The following COL12A1 variants were observed in gnomAD, a reference collection of about 807,000 sequenced individuals.
COL12A1 encodes the protein collagen alpha-1(XII) chain.
In COL12A1, 114 loss-of-function variants were observed where a neutral mutation model predicts 349.7. The observed-to-expected ratio is 0.33, with a 90% CI of 0.28 to 0.38. The LOEUF is 0.38. Ranked by LOEUF, COL12A1 falls within the 10% of genes least tolerant of loss-of-function variation. COL12A1 has a pLI of 1.00. For synonymous variants in COL12A1, 1,369 were observed against 1,329.0 expected (o/e 1.03, Z -0.66); for missense variants, 3,284 against 3,756.9 (o/e 0.87, Z 3.29).
At chr6:75,138,377 A>G (rs1766727806) in intron 29 of COL12A1, 37 bp from the exon 30 acceptor site, 1 of 1,610,750 alleles carries the variant, frequency 6.2e-7, no homozygotes, top group Non-Finnish European at 8.5e-7. Context: ...CATTACTAAT[A>G]TAGCTGTAGC....
intron 34 of COL12A1, 145 bp from the exon 35 acceptor site, chr6:75,132,227 T>C: frequency 9.1e-7 from 1 of 1,103,426 alleles, no homozygotes; most frequent in Non-Finnish European, 1.3e-6. Context: ...AAAGGCAGAT[T>C]AAAACTCTCC....
At chr6:75,102,424 A>G (rs1768346794) in intron 56 of COL12A1, among the ~76,000 whole-genome samples, 173 bp downstream of exon 56, 2 of 152,118 alleles carry the variant, frequency 1.3e-5, no homozygotes, top group Admixed American at 1.3e-4. Flanking sequence ...TTATATTATT[A>G]CATAGTCTAT....
At chr6:75,146,345 C>G in intron 23 of COL12A1, 101 bp from the exon 24 acceptor site, 2 of 1,233,492 alleles carry the variant, frequency 1.6e-6, no homozygotes, top group Non-Finnish European at 2.1e-6. Flanking sequence ...ATATACTAGA[C>G]AGTGGGTTAC....
At position 75,179,511 on chromosome 6, in the gene COL12A1, G is replaced by C. The variant is rs60256732; in HGVS notation, c.2164+1428C>G. 9.1e-3 allele frequency among the ~76,000 whole-genome samples: 1,368 copies of C among 150,784 alleles called. 20 individuals are homozygous for C. The highest frequency in any genetic ancestry group is 0.032 in the African/African-American group (1,313 of 40,768). On this transcript the variant is annotated intron_variant, in intron 11 of 65. Transcript: ENST00000322507. ...TCTTAGACCATTTAGTTTATGTGAT[G>C]GACTTCAGGAAGAAATATACCTAAA...
intron 24 of COL12A1, among the ~76,000 whole-genome samples, 156 bp from the exon 25 acceptor site, chr6:75,145,611 C>CTTTTTTTTTTTTTTTTTTTTTTTTT (rs56698330): frequency 8.3e-5 from 10 of 121,192 alleles, no homozygotes; most frequent in Middle Eastern, 4.3e-3. Context: ...CTGATGTTTT[C>CTTTTTTTTTTTTTTTTTTTTTTTTT]TTTTTTTTTT....
intron 21 of COL12A1, 144 bp from the exon 22 acceptor site, chr6:75,148,641 T>A: frequency 1.5e-6 from 1 of 686,006 alleles, no homozygotes; most frequent in Non-Finnish European, 2.4e-6. Context: ...ACAATAAATC[T>A]GTATTAGAGG....
intron 10 of COL12A1, among the ~76,000 whole-genome samples, chr6:75,181,821 G>A (rs1214280540): frequency 6.6e-6 from 1 of 151,990 alleles, no homozygotes. Context: ...AGGGTATGGG[G>A]GCTAACGCCT....
At chr6:75,138,612 C>G in intron 28 of COL12A1, 32 bp from the exon 29 acceptor site, 1 of 1,608,676 alleles carries the variant, frequency 6.2e-7, no homozygotes, top group Non-Finnish European at 8.5e-7. Flanking sequence ...CATACCCACG[C>G]AAAAGTAAGT....
intron 39 of COL12A1, among the ~76,000 whole-genome samples, chr6:75,125,972 G>T (rs956637005): frequency 6.6e-6 from 1 of 152,118 alleles, no homozygotes; most frequent in African/African-American, 2.4e-5. Context: ...TGAATAAGCT[G>T]CATGGAATCT....
chr6:75,194,822 A>G lies in COL12A1; in HGVS notation c.190+9T>C. 1 of 1,579,090 alleles carries G rather than the reference A, an allele frequency of 6.3e-7. No individual in the cohort carries two copies. Among genetic ancestry groups the G allele is most frequent in the African/African-American group, 1.4e-5 (1 of 73,840 alleles). On this transcript the variant is annotated intron_variant, in intron 3 of 65. Coordinates refer to ENST00000322507, the MANE Select transcript of COL12A1 (RefSeq NM_004370.6). ...GCTTCTGTCCTAAAACCCCAGTCTC[A>G]AAACTTACCCGTTGTAGGGTCCACC...
intron 2 of COL12A1, 85 bp from the exon 3 acceptor site, chr6:75,195,032 G>T: frequency 1.4e-6 from 1 of 733,902 alleles, no homozygotes; most frequent in Non-Finnish European, 2.2e-6. Flanking sequence ...GTTGAGCAAA[G>T]CTTTCTAAAA....
At chr6:75,180,855 A>G in intron 11 of COL12A1, 84 bp downstream of exon 11, 1 of 1,488,546 alleles carries the variant, frequency 6.7e-7, no homozygotes, top group Non-Finnish European at 9.0e-7. Context: ...TGAACTATAA[A>G]GCAGATGGTT....
rs192771503 is a variant in COL12A1, at chr6:75,199,778, C to T, written c.73+2942G>A. Reference sequence around the variant, plus strand: ...GATACTGAAGTGAAAAAATCATTTCCACTCTTATTTCTATAGGACAAGATA... The same window carrying T: ...GATACTGAAGTGAAAAAATCATTTCTACTCTTATTTCTATAGGACAAGATA... On this transcript the variant is annotated intron_variant, in intron 2 of 65. Coordinates refer to ENST00000322507, the MANE Select transcript of COL12A1 (RefSeq NM_004370.6). Among the ~76,000 whole-genome samples, 64 of 152,224 alleles carry T rather than the reference C, an allele frequency of 4.2e-4. 1 individual carries two copies. Among genetic ancestry groups the T allele is most frequent in the Admixed American group, 2.7e-3 (42 of 15,288 alleles).
rs1419443025 is a variant in COL12A1, at chr6:75,134,764, T to A, written c.5486A>T (p.Asp1829Val). ...TCCCGTCATCCGACCTCCTTCACCA[T>A]CAGGATACAGAGAGGATACGGTGAT... is the stretch of plus-strand genomic sequence containing the variant. ...YTITVSSLYP[D>V]GEGGRMTGRG... is the part of the protein sequence containing the mutation. Residue 1829 changes from aspartate to valine, a missense_variant, in exon 32 of 66, where the codon GAT becomes GTT. Around this residue, in one of 2 missense-constraint regions of COL12A1, gnomAD observed 2,601 missense variants for 2,824.8 expected, o/e 0.92. Transcript: ENST00000322507. 6.2e-7 allele frequency: 1 copy of A among 1,610,080 alleles called. No homozygotes were observed. The highest frequency in any genetic ancestry group is 8.5e-7 in the Non-Finnish European group (1 of 1,177,376).
intron 13 of COL12A1, among the ~76,000 whole-genome samples, chr6:75,174,549 C>CT (rs776414063): frequency 5.9e-5 from 9 of 151,928 alleles, no homozygotes; most frequent in Non-Finnish European, 8.8e-5. Flanking sequence ...GAGCGAGACT[C>CT]TGTCTCACAA....
intron 44 of COL12A1, among the ~76,000 whole-genome samples, chr6:75,120,044 A>G (rs1046521469): frequency 6.6e-6 from 1 of 152,190 alleles, no homozygotes; most frequent in African/African-American, 2.4e-5. Context: ...TTTTTTTATC[A>G]GTAAAATGAG....
chr6:75,129,626 C>T (rs1202146456), intron 37 of COL12A1, among the ~76,000 whole-genome samples: 1 of 151,920 alleles, frequency 6.6e-6, no homozygotes, highest in Non-Finnish European at 1.5e-5. Context: ...CTAAAGTGTA[C>T]CGCAAAATGT....
In COL12A1 at chr6:75,145,372, G is replaced by A. The variant is rs747738369; in HGVS notation, c.4644C>T (p.Val1548=). The change falls in exon 25 of 66, where the codon GTC becomes GTT. Residue 1548 remains valine (V), a synonymous_variant. Transcript: ENST00000322507. ...CAGGTTCACTAGTGAGGTCGTGCAGGACAGCCTGGACTGTGACTGCATACT... is the reference window on the plus strand; with the variant it reads ...CAGGTTCACTAGTGAGGTCGTGCAGAACAGCCTGGACTGTGACTGCATACT... The part of the protein sequence containing the change: ...NTEYAVTVQA[V]LHDLTSEPVT... 1.2e-5 allele frequency: 19 copies of A among 1,613,642 alleles called. No homozygotes were observed. The African/African-American group carries it at 2.5e-4, about 22-fold the overall frequency.
intron 13 of COL12A1, among the ~76,000 whole-genome samples, chr6:75,168,355 T>C (rs1562264522): frequency 6.6e-6 from 1 of 152,154 alleles, no homozygotes; most frequent in Non-Finnish European, 1.5e-5. Flanking sequence ...GAGATCTTGG[T>C]TTGGCCAAAC....
Sources: allele counts gnomAD v4.1 joint callset (sites outside exome capture counted in the v4.1 genomes callset), GRCh38; gene constraint gnomAD v4.1.1; regional missense constraint gnomAD v4.1.1; transcripts MANE v1.5; gene names NCBI Gene and HGNC (gene_info 2026-07-23, HGNC 2026-07-21).